The following EYA1 variants were observed in gnomAD, a reference collection of about 807,000 sequenced individuals.
EYA1 encodes protein phosphatase EYA1.
Under a neutral mutation model 82.0 loss-of-function variants are expected in EYA1, and 16 were observed. That is an observed-to-expected ratio of 0.20 (90% CI 0.13 to 0.30). The LOEUF (loss-of-function observed/expected upper bound fraction) is 0.30, where lower values mean the gene tolerates loss of function less well. Among genes scored for constraint, EYA1 ranks in the 10% least tolerant of loss-of-function variants. EYA1 has a pLI of 1.00. For synonymous variants in EYA1, 261 were observed against 264.4 expected (o/e 0.99, Z 0.12); for missense variants, 633 against 730.7 (o/e 0.87, Z 1.54).
At chr8:71,473,916 G>A (rs1218846686) in intron 2 of EYA1, among the ~76,000 whole-genome samples, 1 of 152,032 alleles carries the variant, frequency 6.6e-6, no homozygotes, top group African/African-American at 2.4e-5. Flanking sequence ...GGATGAAGCT[G>A]GAAACCATCA....
rs117530249 is a variant in EYA1, at chr8:71,343,766, T to C, written c.125-9592A>G. Among the ~76,000 whole-genome samples, 18 of 152,334 alleles carry C rather than the reference T, an allele frequency of 1.2e-4. 1 individual carries two copies. The East Asian group carries it at 2.7e-3, about 23-fold the overall frequency. On this transcript the variant is annotated intron_variant, in intron 3 of 17. Transcript: ENST00000340726. Reference sequence around the variant, plus strand: ...GTTGGATATAACTAAAATGACCCAATTGGCATAAATCAACTTTCACACAAG... The same window carrying C: ...GTTGGATATAACTAAAATGACCCAACTGGCATAAATCAACTTTCACACAAG...
intron 1 of EYA1, among the ~76,000 whole-genome samples, chr8:71,546,556 A>C (rs1035076200): frequency 6.8e-6 from 1 of 147,884 alleles, no homozygotes; most frequent in Non-Finnish European, 1.5e-5. Flanking sequence ...GCTAGACTGC[A>C]GTGGCGCAAT....
At chr8:71,319,332 G>A (rs1255316842) in intron 6 of EYA1, among the ~76,000 whole-genome samples, 9 of 151,864 alleles carry the variant, frequency 5.9e-5, no homozygotes, top group Non-Finnish European at 1.3e-4. Flanking sequence ...GCGTTTCACC[G>A]TGTTAGCCAG....
upstream of EYA1, among the ~76,000 whole-genome samples, chr8:71,363,745 A>T (rs1399981303): frequency 6.6e-6 from 1 of 152,174 alleles, no homozygotes; most frequent in Non-Finnish European, 1.5e-5. Context: ...AACAGTAAAT[A>T]CTTTTGCAAC....
intron 1 of EYA1, among the ~76,000 whole-genome samples, chr8:71,536,353 C>T (rs1014968133): frequency 1.3e-5 from 2 of 152,162 alleles, no homozygotes; most frequent in African/African-American, 4.8e-5. Context: ...TATTATTATA[C>T]TATTTCTTAG....
intron 2 of EYA1, among the ~76,000 whole-genome samples, chr8:71,393,567 T>C (rs550629111): frequency 8.5e-5 from 13 of 152,322 alleles, no homozygotes; most frequent in African/African-American, 2.6e-4. Flanking sequence ...GTCCTTGTGA[T>C]AGTTTGCTCA....
intron 8 of EYA1, 57 bp from the exon 9 acceptor site, chr8:71,299,290 C>A: frequency 6.5e-7 from 1 of 1,536,772 alleles, no homozygotes; most frequent in Non-Finnish European, 9.0e-7. Flanking sequence ...TTATCTCTTA[C>A]ATATCAAAGT....
intron 11 of EYA1, among the ~76,000 whole-genome samples, chr8:71,266,504 A>G (rs2128941339): frequency 6.6e-6 from 1 of 152,308 alleles, no homozygotes; most frequent in East Asian, 1.9e-4. Context: ...TTCCAGCTAC[A>G]ATTCAACATC....
chr8:71,276,281 G>C (rs983503890), intron 9 of EYA1, among the ~76,000 whole-genome samples: 3 of 152,170 alleles, frequency 2.0e-5, no homozygotes, highest in Non-Finnish European at 2.9e-5. Context: ...CAGTGCACTG[G>C]AGTTTCTTCC....
In EYA1 at chr8:71,535,313, C is replaced by G. The variant is rs549546551; in HGVS notation, c.33+431G>C. Among the ~76,000 whole-genome samples, 3 of 152,274 alleles carry G rather than the reference C, an allele frequency of 2.0e-5. No homozygotes were observed. In the East Asian group the frequency reaches 5.8e-4, roughly 29 times the overall value. ...TTCAAGAGTTCATCAAACTGTGAAA[C>G]TTCTTCACTAAAAACCTATTTTGAA... On this transcript the variant is annotated intron_variant, in intron 2 of 18. Transcript: ENST00000643681.
At chr8:71,389,867 C>T (rs925537866) in intron 2 of EYA1, among the ~76,000 whole-genome samples, 19 of 152,170 alleles carry the variant, frequency 1.2e-4, no homozygotes, top group Non-Finnish European at 2.4e-4. Flanking sequence ...TACTTCCCAA[C>T]CTATCCCTTT....
intron 2 of EYA1, among the ~76,000 whole-genome samples, chr8:71,384,545 A>G (rs1828875716): frequency 6.6e-6 from 1 of 152,198 alleles, no homozygotes; most frequent in African/African-American, 2.4e-5. Flanking sequence ...CAGATACTCC[A>G]TCTCCTCGAT....
At chr8:71,403,689 CA>C (rs1830072885) in intron 2 of EYA1, 1 of 152,144 alleles carries the variant, frequency 6.6e-6, no homozygotes, top group Non-Finnish European at 1.5e-5. Flanking sequence ...GAATCAGATA[CA>C]GCCATATCTA....
chr8:71,527,994 C>A (rs1813946050), intron 2 of EYA1, among the ~76,000 whole-genome samples: 2 of 152,128 alleles, frequency 1.3e-5, no homozygotes, highest in South Asian at 4.1e-4. Flanking sequence ...CCCTCGCCCC[C>A]ACCCCTCACA....
At chr8:71,216,540 CACTAAAT>C (rs1809224094) in intron 14 of EYA1, 145 bp downstream of exon 14, 2 of 831,610 alleles carry the variant, frequency 2.4e-6, no homozygotes, top group Non-Finnish European at 4.0e-6. Context: ...ATATTTCTGT[CACTAAAT>C]CACAGCAGAA....
intron 2 of EYA1, among the ~76,000 whole-genome samples, chr8:71,514,010 A>G (rs1056942075): frequency 2.0e-5 from 3 of 152,092 alleles, no homozygotes; most frequent in African/African-American, 7.2e-5. Flanking sequence ...TATATGTACC[A>G]CGTTTTCTTT....
intron 16 of EYA1, among the ~76,000 whole-genome samples, chr8:71,214,383 G>T (rs548329519): frequency 6.6e-6 from 1 of 152,028 alleles, no homozygotes; most frequent in Admixed American, 6.6e-5. Flanking sequence ...GTTCTCACTA[G>T]CCCATCTACC....
chr8:71,412,148 A>G (rs562079840), intron 2 of EYA1, among the ~76,000 whole-genome samples: 3,659 of 133,458 alleles, frequency 0.027, 162 homozygotes, highest in African/African-American at 0.096. Flanking sequence ...CAAACACCGC[A>G]TATTCTCACT....
intron 1 of EYA1, among the ~76,000 whole-genome samples, chr8:71,541,570 T>A (rs1815137630): frequency 6.6e-6 from 1 of 152,168 alleles, no homozygotes; most frequent in African/African-American, 2.4e-5. Context: ...ACCTACAAAT[T>A]ATTTTAATAT....
Sources: allele counts gnomAD v4.1 joint callset (sites outside exome capture counted in the v4.1 genomes callset), GRCh38; gene constraint gnomAD v4.1.1; transcripts MANE v1.5; gene names NCBI Gene and HGNC (gene_info 2026-07-23, HGNC 2026-07-21).